The following DTL variants were observed in gnomAD, a reference collection of about 807,000 sequenced individuals.
DTL encodes denticleless E3 ubiquitin protein ligase adapter, also known as denticleless protein homolog.
In DTL, 46 loss-of-function variants were observed where a neutral mutation model predicts 87.0. The observed-to-expected ratio is 0.53, with a 90% CI of 0.42 to 0.68. The LOEUF is 0.68. DTL is among the 30% of genes least tolerant of loss of function. The pLI is 0.00. For synonymous variants in DTL, 308 were observed against 311.2 expected (o/e 0.99, Z 0.11); for missense variants, 737 against 869.4 (o/e 0.85, Z 1.91).
At chr1:212,052,105 TC>T in intron 5 of DTL, 1 of 709,946 alleles carries the variant, frequency 1.4e-6, no homozygotes, top group South Asian at 1.5e-5. Flanking sequence ...CTAAAGTTGT[TC>T]CACTATCATC....
At chr1:212,069,261 C>T (rs1417048715) in intron 10 of DTL, among the ~76,000 whole-genome samples, 1 of 151,904 alleles carries the variant, frequency 6.6e-6, no homozygotes, top group African/African-American at 2.4e-5. Flanking sequence ...AGCATGCTTT[C>T]CTCTTTTTTT....
Position 212,078,190 on chromosome 1 carries a change from A to G in DTL, c.1053A>G (p.Gln351=), listed in dbSNP as rs747833766. The G allele has an allele frequency of 6.2e-7, 1 of 1,610,816 alleles. No individual in the cohort carries two copies. The highest frequency in any genetic ancestry group is 1.7e-5 in the Admixed American group (1 of 59,946). The change falls in exon 12 of 15, where the codon CAA becomes CAG. Residue 351 remains glutamine (Q), a synonymous_variant. Transcript: ENST00000366991. Reference sequence around the variant, plus strand: ...TGGACTAGGTCTCCACACCCTGGCAACCTCCTACTGTGCTCCTGGGTCATT... The same window carrying G: ...TGGACTAGGTCTCCACACCCTGGCAGCCTCCTACTGTGCTCCTGGGTCATT... The part of the protein sequence containing the change: ...AYIWKVSTPW[Q]PPTVLLGHSQ...
intron 10 of DTL, 112 bp from the exon 11 acceptor site, chr1:212,071,989 G>A (rs1430279691): frequency 2.8e-6 from 2 of 717,000 alleles, no homozygotes; most frequent in Non-Finnish European, 4.8e-6. Flanking sequence ...TAGATCATCT[G>A]CTTCAATAGG....
rs77305179 is a variant in DTL at position 212,043,538 on chromosome 1, G to A, written c.178+420G>A. Among the ~76,000 whole-genome samples, 927 of 152,212 alleles carry A rather than the reference G, an allele frequency of 6.1e-3. 55 individuals carry two copies. The East Asian group carries it at 0.14, about 24-fold the overall frequency. On this transcript the variant is annotated intron_variant, in intron 2 of 14. Coordinates refer to ENST00000366991, the MANE Select transcript of DTL (RefSeq NM_016448.4). The stretch of plus-strand genomic sequence containing the variant: ...ACCTAAAATCCCAGCACTTTAGGAC[G>A]CCAAGGTAGGTCTGGGCACAGTGGC...
chr1:212,100,293 A>C lies in DTL; in HGVS notation c.1303A>C (p.Arg435=). The C allele has an allele frequency of 6.3e-7, 1 of 1,598,434 alleles. No homozygotes were observed. Among genetic ancestry groups the C allele is most frequent in the Non-Finnish European group, 8.5e-7 (1 of 1,173,776 alleles). Reference sequence around the variant, plus strand: ...CCAGAGTACTCCTGCCAAAGCCCCCAGGGCAAAGTGCAATCCATCCAATTC... The same window carrying C: ...CCAGAGTACTCCTGCCAAAGCCCCCCGGGCAAAGTGCAATCCATCCAATTC... ...SSQSTPAKAP[R]AKCNPSNSSP... The change falls in exon 14 of 15, where the codon AGG becomes CGG. Residue 435 remains arginine, a synonymous_variant. Transcript: ENST00000366991.
At chr1:212,090,003 C>T (rs573352444) in intron 13 of DTL, among the ~76,000 whole-genome samples, 2 of 152,158 alleles carry the variant, frequency 1.3e-5, no homozygotes, top group Middle Eastern at 3.4e-3. Context: ...TAACCTGCAC[C>T]GAGGAGTGCA....
chr1:212,096,249 ATCT>A (rs1655448126), intron 13 of DTL, among the ~76,000 whole-genome samples: 1 of 151,650 alleles, frequency 6.6e-6, no homozygotes, highest in African/African-American at 2.4e-5. Context: ...ACTTATTTGG[ATCT>A]TCTCTCTTCT....
intron 1 of DTL, among the ~76,000 whole-genome samples, chr1:212,038,571 T>C (rs770796869): frequency 2.0e-5 from 3 of 152,260 alleles, no homozygotes; most frequent in Non-Finnish European, 2.9e-5. Context: ...TTATCTGTTA[T>C]GATTATGCAT....
intron 12 of DTL, 174 bp from the exon 13 acceptor site, chr1:212,080,441 T>C (rs978779524): frequency 1.4e-4 from 78 of 574,160 alleles, no homozygotes; most frequent in Middle Eastern, 5.1e-4. Flanking sequence ...AAATCTGGAA[T>C]GATTCCTGAA....
Position 212,080,890 on chromosome 1 carries a change from A to G in DTL, c.1261+140A>G, listed in dbSNP as rs1214705084. On this transcript the variant is annotated intron_variant, in intron 13 of 14. Transcript: ENST00000366991. ...ATCTTCTTGCCATTCATTCTTTTTG[A>G]TAAGTATTTCCCAAGCACTACTATG... 1.8e-5 allele frequency: 16 copies of G among 899,446 alleles called. No individual in the cohort carries two copies. The South Asian group carries it at 2.4e-4, about 13-fold the overall frequency. 55.7% of individuals were successfully genotyped at this position (899,446 alleles called of 1,614,324 possible).
chr1:212,042,864 ATAT>A (rs1667696810), intron 1 of DTL, 126 bp from the exon 2 acceptor site: 1 of 859,738 alleles, frequency 1.2e-6, no homozygotes, highest in Non-Finnish European at 1.7e-6. Context: ...TCTTCCATAG[ATAT>A]TAATAGTAAG....
intron 5 of DTL, among the ~76,000 whole-genome samples, chr1:212,059,779 C>CAAAAAAAAAAAAAAAAAAAA (rs58890148): frequency 1.2e-5 from 1 of 80,224 alleles, no homozygotes; most frequent in Non-Finnish European, 2.5e-5. Context: ...AAAGACTCTA[C>CAAAAAAAAAAAAAAAAAAAA]AAAAAAAAAA....
intron 11 of DTL, 140 bp downstream of exon 11, chr1:212,072,353 C>T (rs764496974): frequency 3.4e-4 from 227 of 663,106 alleles, no homozygotes; most frequent in Non-Finnish European, 5.1e-4. Context: ...TTGCTCTTGG[C>T]TCTTAATATA....
intron 5 of DTL, among the ~76,000 whole-genome samples, chr1:212,048,661 TTTTG>T (rs560728514): frequency 1.2e-4 from 18 of 152,316 alleles, no homozygotes; most frequent in East Asian, 5.8e-4. Flanking sequence ...TCATTTCTGT[TTTTG>T]TTTGTTTGTT....
At chr1:212,094,241 A>T (rs1356400309) in intron 13 of DTL, among the ~76,000 whole-genome samples, 1 of 151,962 alleles carries the variant, frequency 6.6e-6, no homozygotes, top group Non-Finnish European at 1.5e-5. Context: ...CAGGTCTTAG[A>T]TGTAAGTCTT....
chr1:212,054,582 TCAG>T (rs1668105584), intron 5 of DTL, among the ~76,000 whole-genome samples: 2 of 151,454 alleles, frequency 1.3e-5, no homozygotes, highest in African/African-American at 2.4e-5. Flanking sequence ...TCACCTGAGG[TCAG>T]GAGTTCGAGA....
rs878952449 is a variant in DTL, at chr1:212,103,034, A to G, written c.*94A>G. On this transcript the variant is annotated 3_prime_UTR_variant, in exon 15 of 15. Coordinates refer to ENST00000366991, the MANE Select transcript of DTL (RefSeq NM_016448.4). ...AGATGAAAAATACAAGAGTGACTCT[A>G]TAACTCTGGTCTTTAAGAAAGCTGC... is the stretch of plus-strand genomic sequence containing the variant. The G allele has an allele frequency of 2.7e-5, 18 of 658,642 alleles. No individual in the cohort carries two copies. In the South Asian group the frequency reaches 4.1e-4, roughly 15 times the overall value. The allele number at this position is 658,642 out of a possible 1,614,324, so 40.8% of individuals were successfully genotyped here.
At chr1:212,062,775 C>A in intron 5 of DTL, 109 bp from the exon 6 acceptor site, 1 of 745,852 alleles carries the variant, frequency 1.3e-6, no homozygotes, top group Non-Finnish European at 2.3e-6. Context: ...TCTCCAGTGA[C>A]AGATACAGTA....
chr1:212,081,696 AC>A (rs1443162227), intron 13 of DTL, among the ~76,000 whole-genome samples: 2 of 152,230 alleles, frequency 1.3e-5, no homozygotes, highest in Non-Finnish European at 2.9e-5. Context: ...GACAGAGCCA[AC>A]AGAATATGTT....
Sources: allele counts gnomAD v4.1 joint callset (sites outside exome capture counted in the v4.1 genomes callset), GRCh38; gene constraint gnomAD v4.1.1; transcripts MANE v1.5; gene names NCBI Gene and HGNC (gene_info 2026-07-23, HGNC 2026-07-21).